Variants in XPO7 observed in about 807,000 individuals in gnomAD.
XPO7 encodes exportin 7.
A neutral mutation model predicts 144.3 loss-of-function variants in XPO7; 21 were observed. The observed-to-expected ratio is 0.15, with a 90% CI of 0.10 to 0.21. The LOEUF is 0.21. XPO7 is among the 10% of genes least tolerant of loss of function. XPO7 has a pLI of 1.00. For missense variants in XPO7, 808 were observed against 1,325.8 expected (o/e 0.61, Z 6.06); for synonymous variants, 580 against 499.6 (o/e 1.16, Z -2.15).
intron 12 of XPO7, 99 bp from the exon 13 acceptor site, chr8:21,985,487 G>A: frequency 1.8e-6 from 2 of 1,133,724 alleles, no homozygotes; most frequent in Non-Finnish European, 2.7e-6. Context: ...AGACTTCATG[G>A]TTTCACCACA....
chr8:21,988,180 G>A (rs1269266817), intron 15 of XPO7, among the ~76,000 whole-genome samples: 3 of 152,168 alleles, frequency 2.0e-5, no homozygotes, highest in African/African-American at 7.2e-5. Context: ...TCACCCAGTT[G>A]CTGTGCTCCA....
At chr8:21,994,786 G>T (rs1351098477) in intron 20 of XPO7, among the ~76,000 whole-genome samples, 2 of 152,196 alleles carry the variant, frequency 1.3e-5, no homozygotes, top group African/African-American at 4.8e-5. Context: ...AGGCACGGTG[G>T]CTCACGCCTG....
At chr8:21,938,764 T>C (rs1451780872) in intron 1 of XPO7, among the ~76,000 whole-genome samples, 2 of 151,936 alleles carry the variant, frequency 1.3e-5, no homozygotes, top group African/African-American at 4.8e-5. Flanking sequence ...GTCATAAGAA[T>C]GAAAATACAT....
At chr8:21,989,821 C>CTTTTGTT (rs1812701758) in intron 16 of XPO7, among the ~76,000 whole-genome samples, 1 of 59,676 alleles carries the variant, frequency 1.7e-5, no homozygotes, top group Non-Finnish European at 3.6e-5. Flanking sequence ...TAGGTGTTTC[C>CTTTTGTT]TTTTTTTTTT....
chr8:21,995,422 T>C, intron 20 of XPO7, 70 bp from the exon 21 acceptor site: 4 of 1,392,112 alleles, frequency 2.9e-6, no homozygotes, highest in Non-Finnish European at 3.0e-6. Flanking sequence ...GCTTGGCTAG[T>C]GCTGAAAAAC....
intron 1 of XPO7, among the ~76,000 whole-genome samples, chr8:21,960,412 T>C (rs1811687076): frequency 6.6e-6 from 1 of 152,198 alleles, no homozygotes; most frequent in South Asian, 2.1e-4. Context: ...CTTAAGAGAA[T>C]GCTTTTGGGT....
intron 1 of XPO7, among the ~76,000 whole-genome samples, chr8:21,929,548 C>A (rs900608752): frequency 4.7e-4 from 71 of 152,302 alleles, no homozygotes; most frequent in African/African-American, 1.6e-3. Flanking sequence ...AACTGTTTTA[C>A]AGATGAGATG....
At chr8:21,994,935 TC>T (rs1347644952) in intron 20 of XPO7, among the ~76,000 whole-genome samples, 1 of 151,934 alleles carries the variant, frequency 6.6e-6, no homozygotes, top group East Asian at 1.9e-4. Flanking sequence ...GCGCTTGTAG[TC>T]CCAGATACTT....
intron 1 of XPO7, among the ~76,000 whole-genome samples, chr8:21,934,020 A>G (rs1448364183): frequency 6.6e-6 from 1 of 152,224 alleles, no homozygotes; most frequent in East Asian, 1.9e-4. Flanking sequence ...TAAGGTTTAA[A>G]CGAGAAAATG....
intron 8 of XPO7, among the ~76,000 whole-genome samples, chr8:21,978,974 C>G (rs963937051): frequency 6.6e-6 from 1 of 152,108 alleles, no homozygotes; most frequent in African/African-American, 2.4e-5. Flanking sequence ...GGAAAAGGGT[C>G]GAAAGCAGAT....
intron 21 of XPO7, among the ~76,000 whole-genome samples, chr8:21,995,956 C>T (rs1812934003): frequency 6.6e-6 from 1 of 152,144 alleles, no homozygotes; most frequent in South Asian, 2.1e-4. Flanking sequence ...GCTGGGACTA[C>T]AGGCACCCGC....
intron 6 of XPO7, 124 bp downstream of exon 6, chr8:21,974,898 C>T: frequency 2.6e-6 from 2 of 773,670 alleles, no homozygotes; most frequent in South Asian, 2.0e-5. Flanking sequence ...TAATCATCAT[C>T]TCTTATATAA....
At chr8:21,956,168 T>G (rs1244979590) in intron 1 of XPO7, among the ~76,000 whole-genome samples, 1 of 152,238 alleles carries the variant, frequency 6.6e-6, no homozygotes, top group Admixed American at 6.5e-5. Flanking sequence ...TCACACATGA[T>G]TCCTTCCTTG....
intron 1 of XPO7, among the ~76,000 whole-genome samples, chr8:21,931,714 A>G (rs1049934313): frequency 4.6e-5 from 7 of 152,220 alleles, no homozygotes; most frequent in African/African-American, 9.6e-5. Flanking sequence ...AAAGGTTTCT[A>G]TCAATTCTAC....
chr8:21,981,642 C>T, intron 9 of XPO7, 89 bp from the exon 10 acceptor site: 1 of 1,506,226 alleles, frequency 6.6e-7, no homozygotes, highest in Non-Finnish European at 9.1e-7. Flanking sequence ...AGATTCTACC[C>T]CTTCCCCCAT....
At chr8:21,936,916 T>C (rs781630865) in intron 1 of XPO7, among the ~76,000 whole-genome samples, 1 of 152,156 alleles carries the variant, frequency 6.6e-6, no homozygotes, top group Non-Finnish European at 1.5e-5. Flanking sequence ...GGGGGAAGCA[T>C]TGTTGAGTGG....
chr8:21,972,386 A>G (rs1417741858), intron 5 of XPO7, among the ~76,000 whole-genome samples: 1 of 152,150 alleles, frequency 6.6e-6, no homozygotes, highest in Non-Finnish European at 1.5e-5. Context: ...GACAGGCAGG[A>G]GAATCGCTTG....
chr8:21,933,429 T>C (rs987955547), intron 1 of XPO7, among the ~76,000 whole-genome samples: 2 of 152,150 alleles, frequency 1.3e-5, no homozygotes, highest in South Asian at 4.1e-4. Flanking sequence ...ACAGTGTTAT[T>C]GTTGTTACTG....
In XPO7 at chr8:22,003,995, C is replaced by T; in HGVS notation, c.3135C>T (p.Gly1045=). 6.2e-7 allele frequency: 1 copy of T among 1,613,904 alleles called. No individual in the cohort carries two copies. The highest frequency in any genetic ancestry group is 8.5e-7 in the Non-Finnish European group (1 of 1,179,858). ...TGTGTTTTGAGAACCTGATGGAAGGCATCGAGCGAAATCTTCTTACGAAAA... is the reference window on the plus strand; with the variant it reads ...TGTGTTTTGAGAACCTGATGGAAGGTATCGAGCGAAATCTTCTTACGAAAA... ...MHLCFENLME[G]IERNLLTKNR... Residue 1045 remains glycine, a synonymous_variant, in exon 27 of 28, where the codon GGC becomes GGT. Transcript: ENST00000252512.
Sources: allele counts gnomAD v4.1 joint callset (sites outside exome capture counted in the v4.1 genomes callset), GRCh38; gene constraint gnomAD v4.1.1; transcripts MANE v1.5; gene names NCBI Gene and HGNC (gene_info 2026-07-23, HGNC 2026-07-21).